The following UNC5C variants were observed in gnomAD, a reference collection of about 807,000 sequenced individuals.
UNC5C encodes netrin receptor UNC5C.
UNC5C carries 47 observed loss-of-function variants against 99.8 expected under a neutral mutation model. The observed-to-expected ratio is 0.47, with a 90% confidence interval of 0.37 to 0.60. The LOEUF (loss-of-function observed/expected upper bound fraction) is 0.60, where lower values mean the gene tolerates loss of function less well. Among genes scored for constraint, UNC5C ranks in the 20% least tolerant of loss-of-function variants. The pLI is 0.00. For synonymous variants in UNC5C, 487 were observed against 452.2 expected (o/e 1.08, Z -0.98); for missense variants, 1,062 against 1,165.9 (o/e 0.91, Z 1.30).
chr4:95,233,539 A>AT (rs5860394), intron 7 of UNC5C, among the ~76,000 whole-genome samples: 150,719 of 152,328 alleles, frequency 0.99, 74,563 homozygotes, highest in Middle Eastern at 1. Flanking sequence ...TATATATAGT[A>AT]TTGAATTGCT....
At chr4:95,262,891 C>T (rs139957907) in intron 4 of UNC5C, among the ~76,000 whole-genome samples, 234 of 152,050 alleles carry the variant, frequency 1.5e-3, no homozygotes, top group Non-Finnish European at 2.6e-3. Context: ...CTTGGCCCAC[C>T]GCAACCTCTG....
chr4:95,338,994 CG>C (rs1743454360), intron 1 of UNC5C, among the ~76,000 whole-genome samples: 1 of 151,988 alleles, frequency 6.6e-6, no homozygotes, highest in South Asian at 2.1e-4. Context: ...GTCACATACC[CG>C]TGAAACCAGC....
chr4:95,184,318 C>T (rs1579208127), intron 13 of UNC5C, among the ~76,000 whole-genome samples: 1 of 152,296 alleles, frequency 6.6e-6, no homozygotes, highest in South Asian at 2.1e-4. Flanking sequence ...CATTGGCTTA[C>T]ATCAGGAAAT....
chr4:95,419,311 A>C (rs1012547591), intron 1 of UNC5C, among the ~76,000 whole-genome samples: 1 of 152,226 alleles, frequency 6.6e-6, no homozygotes, highest in African/African-American at 2.4e-5. Context: ...TGTTTAAAAT[A>C]GATAAAAACC....
chr4:95,180,496 C>T (rs893721997), intron 14 of UNC5C, among the ~76,000 whole-genome samples: 1 of 152,012 alleles, frequency 6.6e-6, no homozygotes, highest in East Asian at 1.9e-4. Context: ...GTTAGTTAGT[C>T]TTCCAGACAT....
At chr4:95,364,740 G>C (rs1355422476) in intron 1 of UNC5C, among the ~76,000 whole-genome samples, 1 of 152,222 alleles carries the variant, frequency 6.6e-6, no homozygotes, top group South Asian at 2.1e-4. Flanking sequence ...ACATGAGTAA[G>C]TACATCAAAA....
chr4:95,521,207 T>C (rs1209530445), intron 1 of UNC5C, among the ~76,000 whole-genome samples: 3 of 95,322 alleles, frequency 3.1e-5, no homozygotes, highest in Admixed American at 1.5e-4. Flanking sequence ...TTCTTTTTTT[T>C]TTCTTTTTTC....
At chr4:95,283,054 G>GT in intron 3 of UNC5C, among the ~76,000 whole-genome samples, 1 of 152,046 alleles carries the variant, frequency 6.6e-6, no homozygotes, top group East Asian at 1.9e-4. Context: ...AGTCCCAATG[G>GT]TATCTACTAC....
intron 1 of UNC5C, among the ~76,000 whole-genome samples, chr4:95,468,721 C>G (rs1222590978): frequency 1.3e-5 from 2 of 152,074 alleles, no homozygotes; most frequent in African/African-American, 4.8e-5. Flanking sequence ...GTTTAATGAG[C>G]CTTAAAGGTC....
intron 1 of UNC5C, among the ~76,000 whole-genome samples, chr4:95,404,369 G>T (rs1347797927): frequency 7.2e-5 from 11 of 151,916 alleles, no homozygotes; most frequent in South Asian, 2.1e-4. Context: ...CAGCACCCAG[G>T]TATCGCTCTC....
intron 1 of UNC5C, among the ~76,000 whole-genome samples, chr4:95,470,766 A>T (rs1209198611): frequency 1.3e-5 from 2 of 152,176 alleles, no homozygotes; most frequent in African/African-American, 4.8e-5. Flanking sequence ...AAATATTTTT[A>T]AACGATAAAG....
At position 95,164,522 on chromosome 4, in the gene UNC5C, AAAAT is replaced by A. The variant is rs1735790493; in HGVS notation, c.*4708_*4711del. 6.6e-6 allele frequency: 1 copy of A among 152,248 alleles called. No homozygotes were observed. The highest frequency in any genetic ancestry group is 1.5e-5 in the Non-Finnish European group (1 of 68,046). The allele number at this position is 152,248 out of a possible 1,614,324, so 9.4% of individuals were successfully genotyped here. A position where few individuals can be genotyped will look rare whatever the true frequency, so the allele number is the denominator to read the frequency against. On this transcript the variant is annotated 3_prime_UTR_variant, in exon 16 of 16. Coordinates refer to ENST00000453304, the MANE Select transcript of UNC5C (RefSeq NM_003728.4). Reference sequence around the variant, plus strand: ...AATATATAAAAATAATACAAAAAGAAAAATAAAAGCCAAAGAGTAATAGTTGGTC... The same window carrying A: ...AATATATAAAAATAATACAAAAAGAAAAAAGCCAAAGAGTAATAGTTGGTC...
rs140776592 is a variant in UNC5C at position 95,359,672 on chromosome 4, T to C, written c.125-24041A>G. On this transcript the variant is annotated intron_variant, in intron 1 of 15. Transcript: ENST00000453304. ...GTCCCAAGACTATCCATCTGTTTAA[T>C]AGAAGAGCTAGGAAAGGAATCTAGG... Among the ~76,000 whole-genome samples the C allele has an allele frequency of 3.2e-3, 486 of 152,222 alleles. 4 individuals carry two copies. The highest frequency in any genetic ancestry group is 8.3e-3 in the African/African-American group (345 of 41,550).
At chr4:95,345,987 A>G in intron 1 of UNC5C, among the ~76,000 whole-genome samples, 1 of 152,000 alleles carries the variant, frequency 6.6e-6, no homozygotes. Context: ...AGTAGAAGAA[A>G]AGAAATAATA....
rs993041241 is a variant in UNC5C at position 95,380,612 on chromosome 4, A to G, written c.125-44981T>C. ...TTTAACATAACTTCTTAAGATCACC[A>G]TTTACCCAGAAAAGACAAAAAACAA... On this transcript the variant is annotated intron_variant, in intron 1 of 15. Transcript: ENST00000453304. Among the ~76,000 whole-genome samples the G allele has an allele frequency of 5.9e-5, 9 of 152,018 alleles. No homozygotes were observed. The South Asian group carries it at 1.9e-3, about 32-fold the overall frequency.
intron 2 of UNC5C, among the ~76,000 whole-genome samples, chr4:95,308,258 A>C (rs2149406834): frequency 6.6e-6 from 1 of 152,342 alleles, no homozygotes; most frequent in Non-Finnish European, 1.5e-5. Flanking sequence ...GTACAGTTGC[A>C]GGACACAAAA....
intron 12 of UNC5C, among the ~76,000 whole-genome samples, chr4:95,193,372 C>G (rs951639449): frequency 3.9e-5 from 6 of 152,198 alleles, no homozygotes; most frequent in Non-Finnish European, 8.8e-5. Flanking sequence ...TAGAACCGCT[C>G]TCCGTGCTGG....
intron 1 of UNC5C, among the ~76,000 whole-genome samples, chr4:95,450,233 A>T (rs1158146509): frequency 6.6e-6 from 1 of 152,154 alleles, no homozygotes; most frequent in African/African-American, 2.4e-5. Flanking sequence ...CCCCTTGAAG[A>T]TGGGATCTTG....
chr4:95,424,799 A>G (rs1016210858), intron 1 of UNC5C, among the ~76,000 whole-genome samples: 1 of 152,010 alleles, frequency 6.6e-6, no homozygotes, highest in African/African-American at 2.4e-5. Context: ...CTGGGATTAC[A>G]GGAGTGAGCC....
Sources: gnomAD v4.1 joint callset for allele counts (sites outside exome capture counted in the v4.1 genomes callset) on GRCh38, gnomAD v4.1.1 for gene constraint, MANE v1.5 for transcripts, NCBI Gene and HGNC (gene_info 2026-07-23, HGNC 2026-07-21) for gene names.